Variants in ADAM22 observed in about 807,000 individuals in gnomAD.
The protein encoded by ADAM22 is disintegrin and metalloproteinase domain-containing protein 22.
In ADAM22, 65 loss-of-function variants were observed where a neutral mutation model predicts 144.6. The observed-to-expected ratio is 0.45, with a 90% CI of 0.37 to 0.55. The LOEUF (loss-of-function observed/expected upper bound fraction) is 0.55, where lower values mean the gene tolerates loss of function less well. Among genes scored for constraint, ADAM22 ranks in the 20% least tolerant of loss-of-function variants. ADAM22 has a pLI of 0.00. For missense variants in ADAM22, 974 were observed against 1,184.9 expected, an observed-to-expected ratio of 0.82 and a Z score of 2.61; for synonymous variants, 391 against 412.6, an observed-to-expected ratio of 0.95 and a Z score of 0.63.
intron 3 of ADAM22, among the ~76,000 whole-genome samples, chr7:88,070,726 G>C (rs1261791961): frequency 6.6e-6 from 1 of 152,124 alleles, no homozygotes; most frequent in Non-Finnish European, 1.5e-5. Context: ...ATTTGACTGA[G>C]AGAGTTATGC....
chr7:88,082,645 AAAAC>A (rs1267893109), intron 4 of ADAM22, among the ~76,000 whole-genome samples: 17 of 152,342 alleles, frequency 1.1e-4, no homozygotes, highest in African/African-American at 3.8e-4. Flanking sequence ...TTACAAGAAA[AAAAC>A]AAACAACCCC....
chr7:87,942,559 T>A lies in ADAM22; in HGVS notation c.246+7373T>A, dbSNP rs554144510. 3.6e-4 allele frequency among the ~76,000 whole-genome samples: 55 copies of A among 152,354 alleles called. 1 individual carries two copies. The South Asian group carries it at 0.011, about 29-fold the overall frequency. ...TTACCCCATTGGAACTATATATGAC[T>A]TTTAGTGCCTGAAAAATATATACAT... On this transcript the variant is annotated intron_variant, in intron 2 of 31. Transcript: ENST00000413139.
chr7:87,936,348 A>G (rs899600311), intron 2 of ADAM22, among the ~76,000 whole-genome samples: 1 of 152,204 alleles, frequency 6.6e-6, no homozygotes, highest in Non-Finnish European at 1.5e-5. Context: ...AATGGTTGGT[A>G]AATGCCTATT....
chr7:88,188,400 C>A (rs983077861), intron 30 of ADAM22, among the ~76,000 whole-genome samples: 1 of 152,126 alleles, frequency 6.6e-6, no homozygotes, highest in Non-Finnish European at 1.5e-5. Flanking sequence ...TGCTTCAGCA[C>A]CCCTGATTGC....
chr7:87,976,215 AG>A (rs1290578806), intron 2 of ADAM22, among the ~76,000 whole-genome samples: 1 of 152,176 alleles, frequency 6.6e-6, no homozygotes, highest in Admixed American at 6.5e-5. Flanking sequence ...TTCATGGAAG[AG>A]GGGTGCTATG....
At position 88,176,002 on chromosome 7, in the gene ADAM22, T is replaced by A. The variant is rs868054552; in HGVS notation, c.2301-2933T>A. On this transcript the variant is annotated intron_variant, in intron 26 of 31. Transcript: ENST00000413139. ...ATTATTATTTTTTTGAGATGGAGTT[T>A]CGCTCTGTCACCCAAGCTGGAGTGC... 2.0e-5 allele frequency among the ~76,000 whole-genome samples: 3 copies of A among 152,164 alleles called. No individual in the cohort carries two copies. The South Asian group carries it at 6.2e-4, about 32-fold the overall frequency.
intron 18 of ADAM22, 99 bp downstream of exon 18, chr7:88,149,156 G>C (rs374842739): frequency 3.7e-6 from 3 of 800,942 alleles, no homozygotes; most frequent in Non-Finnish European, 6.2e-6. Flanking sequence ...CAAGATGCTC[G>C]TGTCTCTTTC....
At chr7:88,159,821 G>A (rs940369353) in intron 22 of ADAM22, among the ~76,000 whole-genome samples, 1 of 152,144 alleles carries the variant, frequency 6.6e-6, no homozygotes, top group South Asian at 2.1e-4. Context: ...AAAGCTGGAA[G>A]CATTCTCCTT....
intron 2 of ADAM22, among the ~76,000 whole-genome samples, chr7:87,948,300 G>A (rs1022623064): frequency 6.6e-6 from 1 of 152,128 alleles, no homozygotes; most frequent in African/African-American, 2.4e-5. Context: ...CTTATTTTGG[G>A]ATTTAGAAAA....
At chr7:88,048,275 ATAGT>A (rs1355824471) in intron 3 of ADAM22, among the ~76,000 whole-genome samples, 6 of 152,068 alleles carry the variant, frequency 3.9e-5, no homozygotes, top group South Asian at 2.1e-4. Flanking sequence ...TTCTTAGTGG[ATAGT>A]TAGATTGTTT....
rs1407291859 is a variant in ADAM22 at position 88,088,573 on chromosome 7, G to A, written c.390+12881G>A. On this transcript the variant is annotated intron_variant, in intron 4 of 31. Coordinates refer to ENST00000413139, the MANE Select transcript of ADAM22 (RefSeq NM_001324418.2). ...AATCACTTAGAAAATTTTAAATATAGTGACTGTCAGGACAACAGATGCCTC... is the reference window on the plus strand; with the variant it reads ...AATCACTTAGAAAATTTTAAATATAATGACTGTCAGGACAACAGATGCCTC... Among the ~76,000 whole-genome samples the A allele has an allele frequency of 2.0e-5, 3 of 150,172 alleles. No individual in the cohort carries two copies. In the South Asian group the frequency reaches 6.3e-4, roughly 32 times the overall value.
chr7:88,061,518 A>G (rs1242877137), intron 3 of ADAM22, among the ~76,000 whole-genome samples: 1 of 152,226 alleles, frequency 6.6e-6, no homozygotes, highest in Non-Finnish European at 1.5e-5. Flanking sequence ...TGAAAACAAC[A>G]TTAATCTTGT....
At chr7:88,183,658 G>A (rs1847634724) in intron 29 of ADAM22, among the ~76,000 whole-genome samples, 1 of 151,652 alleles carries the variant, frequency 6.6e-6, no homozygotes, top group African/African-American at 2.4e-5. Flanking sequence ...CATTACAATA[G>A]GATCATCTTT....
intron 17 of ADAM22, among the ~76,000 whole-genome samples, chr7:88,145,803 C>T (rs1411455392): frequency 6.6e-6 from 1 of 152,134 alleles, no homozygotes; most frequent in African/African-American, 2.4e-5. Flanking sequence ...AGAGGCTGTC[C>T]TTTCCATACT....
chr7:88,090,399 G>A (rs528253509), intron 4 of ADAM22, among the ~76,000 whole-genome samples: 8 of 152,068 alleles, frequency 5.3e-5, no homozygotes, highest in Non-Finnish European at 1.0e-4. Flanking sequence ...TCAGAACCAA[G>A]TTAACCACAA....
intron 3 of ADAM22, among the ~76,000 whole-genome samples, chr7:88,029,866 G>GT (rs58661918): frequency 0.24 from 36,753 of 151,442 alleles, 5,577 homozygotes; most frequent in South Asian, 0.39. Flanking sequence ...CTTCATTGTA[G>GT]TTTTTTTTCT....
chr7:87,994,881 G>A (rs1444461559), intron 3 of ADAM22, among the ~76,000 whole-genome samples: 2 of 151,862 alleles, frequency 1.3e-5, no homozygotes, highest in Non-Finnish European at 2.9e-5. Context: ...AGGCTGGAGT[G>A]CAGTGGCGCG....
chr7:88,173,884 G>C (rs898774224), intron 26 of ADAM22, among the ~76,000 whole-genome samples: 1 of 152,100 alleles, frequency 6.6e-6, no homozygotes, highest in African/African-American at 2.4e-5. Context: ...GTATTTCTCT[G>C]ATCTTTGAAT....
At chr7:88,184,299 C>T (rs1235638008) in intron 29 of ADAM22, 1 of 409,464 alleles carries the variant, frequency 2.4e-6, no homozygotes, top group East Asian at 9.3e-5. Flanking sequence ...CAGGAGGGAG[C>T]CCCAAGCACC....
Sources: allele counts gnomAD v4.1 joint callset (sites outside exome capture counted in the v4.1 genomes callset), GRCh38; gene constraint gnomAD v4.1.1; transcripts MANE v1.5; gene names NCBI Gene and HGNC (gene_info 2026-07-23, HGNC 2026-07-21).